SGCZ: variants seen among roughly 807,000 people sequenced by gnomAD.
SGCZ encodes zeta-sarcoglycan.
SGCZ carries 40 observed loss-of-function variants against 41.3 expected under a neutral mutation model. The observed-to-expected ratio is 0.97, with a 90% CI of 0.75 to 1.26. The LOEUF (loss-of-function observed/expected upper bound fraction) is 1.26. Ranked by LOEUF, SGCZ falls within the 50% of genes most tolerant of loss-of-function variation. SGCZ has a pLI of 0.00. For missense variants in SGCZ, 552 were observed against 369.8 expected, an observed-to-expected ratio of 1.49 and a Z score of -4.04; for synonymous variants, 206 against 137.5, an observed-to-expected ratio of 1.50 and a Z score of -3.49.
intron 1 of SGCZ, among the ~76,000 whole-genome samples, chr8:15,209,299 G>A (rs1563185047): frequency 6.6e-6 from 1 of 152,034 alleles, no homozygotes. Context: ...AATGTCGTTA[G>A]AAGAGAATTC....
chr8:14,446,856 C>T (rs920833559), intron 2 of SGCZ, among the ~76,000 whole-genome samples: 4 of 152,074 alleles, frequency 2.6e-5, no homozygotes, highest in Non-Finnish European at 5.9e-5. Context: ...ACAAAGAAAA[C>T]TATTTTAAAA....
intron 1 of SGCZ, among the ~76,000 whole-genome samples, chr8:15,111,368 G>A (rs898723144): frequency 6.6e-6 from 1 of 152,134 alleles, no homozygotes; most frequent in Non-Finnish European, 1.5e-5. Context: ...GATTGGCGAT[G>A]GGCCAAGCGT....
rs75251466 is a variant in SGCZ, at chr8:15,050,325, G to A, written c.39+187260C>T. 8.0e-3 allele frequency among the ~76,000 whole-genome samples: 1,220 copies of A among 152,268 alleles called. 4 individuals carry two copies. The highest frequency in any genetic ancestry group is 0.014 in the Non-Finnish European group (926 of 68,028). ...ATACATGAACTTGTAGTTCAGAGGA[G>A]AGGTTTATGTGGCCCTCTCTGTGAA... is the stretch of plus-strand genomic sequence containing the variant. On this transcript the variant is annotated intron_variant, in intron 1 of 7. Transcript: ENST00000382080.
chr8:14,104,193 G>A (rs1668114750), intron 6 of SGCZ, among the ~76,000 whole-genome samples: 1 of 152,184 alleles, frequency 6.6e-6, no homozygotes, highest in East Asian at 1.9e-4. Context: ...ATTAGTCAGT[G>A]AAATTAGTGA....
chr8:14,754,661 A>C (rs1012251130), intron 1 of SGCZ, among the ~76,000 whole-genome samples: 2 of 152,188 alleles, frequency 1.3e-5, no homozygotes, highest in African/African-American at 4.8e-5. Context: ...GGTTACATTT[A>C]AGAAATTTGC....
chr8:14,658,256 T>C (rs924199350), intron 1 of SGCZ, among the ~76,000 whole-genome samples: 1 of 152,202 alleles, frequency 6.6e-6, no homozygotes, highest in African/African-American at 2.4e-5. Context: ...AGCTCTATCA[T>C]TCAGATTATT....
chr8:14,793,108 T>A (rs993925716), intron 1 of SGCZ, among the ~76,000 whole-genome samples: 1 of 152,242 alleles, frequency 6.6e-6, no homozygotes, highest in Admixed American at 6.5e-5. Context: ...AGGAAAACTA[T>A]ACTCACACAG....
At chr8:15,125,455 T>C (rs1807645676) in intron 1 of SGCZ, among the ~76,000 whole-genome samples, 1 of 152,146 alleles carries the variant, frequency 6.6e-6, no homozygotes, top group Admixed American at 6.5e-5. Flanking sequence ...AAATTAAAAA[T>C]ACCCTTCTTT....
chr8:14,603,003 T>A (rs1257910538), intron 1 of SGCZ, among the ~76,000 whole-genome samples: 1 of 152,140 alleles, frequency 6.6e-6, no homozygotes, highest in Non-Finnish European at 1.5e-5. Flanking sequence ...AAAAAAGCCA[T>A]GCTTAATCTA....
rs148910733 is a variant in SGCZ at position 14,924,172 on chromosome 8, G to C, written c.39+313413C>G. On this transcript the variant is annotated intron_variant, in intron 1 of 7. Transcript: ENST00000382080. Reference sequence around the variant, plus strand: ...TAGTCTTTAAGAAAACCTATTTGTTGTTCCCACAGTAGTGTTTTCATTTCT... The same window carrying C: ...TAGTCTTTAAGAAAACCTATTTGTTCTTCCCACAGTAGTGTTTTCATTTCT... 9.6e-4 allele frequency among the ~76,000 whole-genome samples: 146 copies of C among 152,270 alleles called. 3 individuals carry two copies. Among genetic ancestry groups the C allele is most frequent in the Admixed American group, 6.5e-3 (100 of 15,290 alleles).
chr8:15,238,068 T>C lies in SGCZ; in HGVS notation c.-445A>G, dbSNP rs909859832. ...TGTTCAAACTGAAGAGAAGAGTGTA[T>C]GATAAAAGGCTTCCTCCGTCAGGCT... is the stretch of plus-strand genomic sequence containing the variant. On this transcript the variant is annotated 5_prime_UTR_variant, in exon 1 of 8. Coordinates refer to ENST00000382080, the MANE Select transcript of SGCZ (RefSeq NM_139167.4). 1 of 157,306 alleles carries C rather than the reference T, an allele frequency of 6.4e-6. No individual in the cohort carries two copies. The highest frequency in any genetic ancestry group is 2.4e-5 in the African/African-American group (1 of 41,482). 9.7% of individuals were successfully genotyped at this position (157,306 alleles called of 1,614,324 possible). A position where few individuals can be genotyped will look rare whatever the true frequency, so the allele number is the denominator to read the frequency against.
intron 1 of SGCZ, among the ~76,000 whole-genome samples, chr8:14,830,324 A>G (rs1802482822): frequency 6.6e-6 from 1 of 152,082 alleles, no homozygotes; most frequent in South Asian, 2.1e-4. Context: ...TTCCAAGCTA[A>G]CTACATGTTG....
At chr8:14,896,655 T>G (rs1276698037) in intron 1 of SGCZ, among the ~76,000 whole-genome samples, 13 of 152,014 alleles carry the variant, frequency 8.6e-5, no homozygotes, top group Admixed American at 8.5e-4. Flanking sequence ...TTCCGTATTT[T>G]CAGGAGAGAC....
At chr8:14,749,675 CA>C (rs1799442036) in intron 1 of SGCZ, among the ~76,000 whole-genome samples, 1 of 151,960 alleles carries the variant, frequency 6.6e-6, no homozygotes, top group Non-Finnish European at 1.5e-5. Context: ...GAATTGTTAC[CA>C]TAGCAAAGAA....
intron 1 of SGCZ, among the ~76,000 whole-genome samples, chr8:14,609,997 G>A (rs1805874898): frequency 1.3e-5 from 2 of 152,112 alleles, no homozygotes; most frequent in African/African-American, 4.8e-5. Context: ...TTACAAGTCT[G>A]TTCACGAGGG....
At chr8:14,444,514 A>G (rs540192482) in intron 2 of SGCZ, among the ~76,000 whole-genome samples, 1,636 of 152,168 alleles carry the variant, frequency 0.011, 13 homozygotes, top group Non-Finnish European at 0.014. Flanking sequence ...CCTTTGTAGG[A>G]ACATGGATGA....
At chr8:14,546,268 A>T (rs976471934) in intron 2 of SGCZ, among the ~76,000 whole-genome samples, 15 of 152,160 alleles carry the variant, frequency 9.9e-5, no homozygotes, top group African/African-American at 3.6e-4. Flanking sequence ...TCTCCAGGGC[A>T]AGTGCCATGA....
At chr8:14,142,142 G>A (rs956320357) in intron 5 of SGCZ, among the ~76,000 whole-genome samples, 1 of 152,122 alleles carries the variant, frequency 6.6e-6, no homozygotes, top group Non-Finnish European at 1.5e-5. Context: ...ACAGGGTGGG[G>A]AACATCACAC....
chr8:14,802,951 G>T (rs1030643518), intron 1 of SGCZ, among the ~76,000 whole-genome samples: 1 of 152,098 alleles, frequency 6.6e-6, no homozygotes, highest in Non-Finnish European at 1.5e-5. Context: ...TCCTCCTCCA[G>T]CCCCATTCTT....
Sources: gnomAD v4.1 joint callset for allele counts (sites outside exome capture counted in the v4.1 genomes callset) on GRCh38, gnomAD v4.1.1 for gene constraint, MANE v1.5 for transcripts, NCBI Gene and HGNC (gene_info 2026-07-23, HGNC 2026-07-21) for gene names.